Variants in TTC29 observed in about 807,000 individuals in gnomAD.
The protein encoded by TTC29 is tetratricopeptide repeat protein 29.
In TTC29, 49 loss-of-function variants were observed where a neutral mutation model predicts 58.1. The ratio of observed to expected loss-of-function variants is 0.84; its 90% confidence interval spans 0.67 to 1.07. TTC29 has a LOEUF of 1.07. Ranked by LOEUF, TTC29 falls within the 50% of genes least tolerant of loss-of-function variation. The pLI is 0.00. For missense variants in TTC29, 582 were observed against 555.6 expected, an observed-to-expected ratio of 1.05 and a Z score of -0.48; for synonymous variants, 209 against 196.8, an observed-to-expected ratio of 1.06 and a Z score of -0.52.
At chr4:146,818,037 T>A (rs1751536968) in intron 10 of TTC29, among the ~76,000 whole-genome samples, 1 of 152,006 alleles carries the variant, frequency 6.6e-6, no homozygotes, top group Non-Finnish European at 1.5e-5. Context: ...GGACTTCATG[T>A]CTAAAACACC....
At chr4:146,822,238 C>A (rs1448935793) in intron 9 of TTC29, among the ~76,000 whole-genome samples, 2 of 151,990 alleles carry the variant, frequency 1.3e-5, no homozygotes, top group Non-Finnish European at 2.9e-5. Context: ...TCCCCTCAAT[C>A]CCCACCTTTC....
chr4:146,843,420 G>A (rs986951089), intron 8 of TTC29, among the ~76,000 whole-genome samples: 2 of 152,128 alleles, frequency 1.3e-5, no homozygotes, highest in African/African-American at 2.4e-5. Flanking sequence ...ATTTGAGTAC[G>A]TACACTTTCT....
intron 10 of TTC29, among the ~76,000 whole-genome samples, chr4:146,817,157 C>A (rs937981597): frequency 6.6e-6 from 1 of 152,108 alleles, no homozygotes; most frequent in East Asian, 1.9e-4. Context: ...TGTTTGCAGA[C>A]GACATGATTG....
intron 9 of TTC29, among the ~76,000 whole-genome samples, chr4:146,825,351 C>T (rs564583882): frequency 9.1e-4 from 139 of 152,212 alleles, no homozygotes; most frequent in African/African-American, 2.9e-3. Flanking sequence ...ATCCTAATTT[C>T]GTTATTTATC....
chr4:146,810,265 A>T (rs547407908), intron 10 of TTC29, among the ~76,000 whole-genome samples: 64 of 152,180 alleles, frequency 4.2e-4, no homozygotes, highest in Admixed American at 1.4e-3. Flanking sequence ...GGACTGGGGG[A>T]CTAGGGGAGG....
intron 11 of TTC29, among the ~76,000 whole-genome samples, chr4:146,715,471 G>A (rs566401422): frequency 1.2e-3 from 185 of 152,120 alleles, no homozygotes; most frequent in Non-Finnish European, 2.0e-3. Context: ...CCACAGAAAT[G>A]AGCCTGGTGA....
chr4:146,737,026 T>C (rs959289904), intron 11 of TTC29, among the ~76,000 whole-genome samples: 1 of 152,186 alleles, frequency 6.6e-6, no homozygotes, highest in African/African-American at 2.4e-5. Context: ...AACATCTTGT[T>C]TGAAAAGCTG....
intron 11 of TTC29, among the ~76,000 whole-genome samples, chr4:146,766,608 C>G (rs1747343457): frequency 6.6e-6 from 1 of 151,892 alleles, no homozygotes; most frequent in Non-Finnish European, 1.5e-5. Flanking sequence ...TGTGATAAAG[C>G]TATTAGTCTC....
intron 11 of TTC29, among the ~76,000 whole-genome samples, chr4:146,780,092 CCTTT>C (rs1008510335): frequency 1.6e-4 from 25 of 152,050 alleles, no homozygotes; most frequent in African/African-American, 6.0e-4. Flanking sequence ...AATATTTTTA[CCTTT>C]CTTTGAAATG....
At chr4:146,812,912 A>T (rs1202863945) in intron 10 of TTC29, 1 of 152,184 alleles carries the variant, frequency 6.6e-6, no homozygotes. Flanking sequence ...AATTCAGAAG[A>T]TTCTAGTAAT....
chr4:146,821,708 C>T (rs1322782029), intron 9 of TTC29, among the ~76,000 whole-genome samples: 8 of 152,130 alleles, frequency 5.3e-5, no homozygotes, highest in Non-Finnish European at 1.0e-4. Flanking sequence ...ACTGTGAGAA[C>T]CTTAAGGCAT....
chr4:146,840,231 A>C (rs1183753045), intron 8 of TTC29, among the ~76,000 whole-genome samples: 1 of 150,680 alleles, frequency 6.6e-6, no homozygotes, highest in Non-Finnish European at 1.5e-5. Context: ...GCTTTTTCAC[A>C]ATGTCCCTTA....
chr4:146,833,809 T>C lies in TTC29; in HGVS notation c.974A>G (p.Gln325Arg). The change falls in exon 9 of 13, where the codon CAG becomes CGG. Residue 325 changes from glutamine to arginine, a missense_variant. Transcript: ENST00000325106. ...RGYEAIAKVL[Q>R]SQGEMTEAIK... ...AGATGAGAATGTGCTAACTTACCTC[T>C]GCAGGACCTTGGCTATGGCTTCATA... 1 of 1,612,446 alleles carries C rather than the reference T, an allele frequency of 6.2e-7. No individual in the cohort carries two copies. The highest frequency in any genetic ancestry group is 8.5e-7 in the Non-Finnish European group (1 of 1,178,752).
chr4:146,730,569 A>T (rs1387102263), intron 11 of TTC29, among the ~76,000 whole-genome samples: 3 of 152,236 alleles, frequency 2.0e-5, no homozygotes, highest in Non-Finnish European at 4.4e-5. Context: ...AGGTTCAAGC[A>T]AATGAAGTGG....
intron 7 of TTC29, among the ~76,000 whole-genome samples, chr4:146,874,403 T>C (rs1410354876): frequency 6.6e-6 from 1 of 152,116 alleles, no homozygotes; most frequent in Non-Finnish European, 1.5e-5. Flanking sequence ...CATACACACA[T>C]GCGCATGCAC....
chr4:146,779,189 C>G (rs867689329), intron 11 of TTC29, among the ~76,000 whole-genome samples: 182 of 151,914 alleles, frequency 1.2e-3, no homozygotes, highest in African/African-American at 4.1e-3. Context: ...TGTATGAAGA[C>G]TTTAAAAAAT....
At chr4:146,849,145 C>T (rs1255334968) in intron 8 of TTC29, among the ~76,000 whole-genome samples, 3 of 152,154 alleles carry the variant, frequency 2.0e-5, no homozygotes, top group African/African-American at 7.2e-5. Flanking sequence ...CAATGGTAGT[C>T]ACTACCATTT....
intron 6 of TTC29, among the ~76,000 whole-genome samples, chr4:146,891,619 C>G (rs554988527): frequency 6.6e-6 from 1 of 152,270 alleles, no homozygotes; most frequent in African/African-American, 2.4e-5. Flanking sequence ...ATTAGAAGCC[C>G]ACAGACATTG....
intron 8 of TTC29, among the ~76,000 whole-genome samples, chr4:146,854,260 G>C (rs1038695403): frequency 6.6e-6 from 1 of 152,094 alleles, no homozygotes; most frequent in African/African-American, 2.4e-5. Context: ...AAGTCGTCAA[G>C]GTATTGAGTT....
Sources: allele counts gnomAD v4.1 joint callset (sites outside exome capture counted in the v4.1 genomes callset), GRCh38; gene constraint gnomAD v4.1.1; transcripts MANE v1.5; gene names NCBI Gene and HGNC (gene_info 2026-07-23, HGNC 2026-07-21).